The following ARHGAP25 variants were observed in gnomAD, a reference collection of about 807,000 sequenced individuals.
The protein encoded by ARHGAP25 is rho GTPase-activating protein 25.
In ARHGAP25, 34 loss-of-function variants were observed where a neutral mutation model predicts 71.0. That is an observed-to-expected ratio of 0.48 (90% CI 0.36 to 0.64). The LOEUF is 0.64. Among genes scored for constraint, ARHGAP25 ranks in the 30% least tolerant of loss-of-function variants. The probability of loss-of-function intolerance (pLI) is 0.00; values close to 1 mark genes in which losing one functional copy is unlikely to be tolerated. For synonymous variants in ARHGAP25, 282 were observed against 296.5 expected (o/e 0.95, Z 0.50); for missense variants, 706 against 805.1 (o/e 0.88, Z 1.49).
chr2:68,807,537 G>C (rs563046866), intron 5 of ARHGAP25, 57 bp downstream of exon 5: 2 of 1,555,656 alleles, frequency 1.3e-6, no homozygotes, highest in Non-Finnish European at 1.8e-6. Context: ...TGGCTTGGCT[G>C]GGAGGGCCTC....
upstream of ARHGAP25, among the ~76,000 whole-genome samples, chr2:68,731,475 C>T (rs1432979074): frequency 6.6e-6 from 1 of 152,036 alleles, no homozygotes; most frequent in Admixed American, 6.5e-5. Context: ...AGCCTCCTCA[C>T]CCCTATCCTG....
At position 68,826,060 on chromosome 2, in the gene ARHGAP25, A is replaced by T. The variant is rs747850081; in HGVS notation, c.1807A>T (p.Lys603Ter). 1 of 1,614,082 alleles carries T rather than the reference A, an allele frequency of 6.2e-7. No homozygotes were observed. Among genetic ancestry groups the T allele is most frequent in the Non-Finnish European group, 8.5e-7 (1 of 1,180,012 alleles). The change falls in exon 11 of 11, where the codon AAG (lysine) becomes TAG (stop). Residue 603 changes from lysine to a stop codon, truncating the protein, a stop_gained. Transcript: ENST00000409202. LOFTEE classifies it high-confidence loss of function. ...LNEELEKEKK[K>*]SAALEISLRN... is the part of the protein sequence containing the mutation. The stretch of plus-strand genomic sequence containing the variant: ...TGAAGAACTGGAGAAGGAAAAGAAG[A>T]AGTCTGCAGCCCTAGAGATCAGCCT...
chr2:68,822,694 G>A lies in ARHGAP25; in HGVS notation c.1555G>A (p.Ala519Thr). ...LPGSPGEEASALSSQACDSKG... is the reference protein window; with the variant it reads ...LPGSPGEEASTLSSQACDSKG... ...AGGGTCCCCTGGGGAGGAAGCCAGT[G>A]CACTCTCTTCCCAAGCCTGTGACTC... Residue 519 changes from alanine (A) to threonine (T), a missense_variant, in exon 10 of 11, where the codon GCA (alanine) becomes ACA (threonine). Physicochemically the swap from Ala to Thr is moderately conservative, Grantham distance 58. Coordinates refer to ENST00000409202, the MANE Select transcript of ARHGAP25 (RefSeq NM_001007231.3). 6.2e-7 allele frequency: 1 copy of A among 1,614,134 alleles called. No individual in the cohort carries two copies. The highest frequency in any genetic ancestry group is 8.5e-7 in the Non-Finnish European group (1 of 1,180,036).
At chr2:68,726,519 A>G (rs759233088) in intron 2 of ARHGAP25, among the ~76,000 whole-genome samples, 17 of 152,238 alleles carry the variant, frequency 1.1e-4, no homozygotes, top group Non-Finnish European at 2.2e-4. Flanking sequence ...TGAGCCCATC[A>G]TTCACAGAGC....
intron 1 of ARHGAP25, among the ~76,000 whole-genome samples, chr2:68,748,912 C>T (rs1675994863): frequency 6.6e-6 from 1 of 152,184 alleles, no homozygotes; most frequent in Non-Finnish European, 1.5e-5. Flanking sequence ...ATCCTTCAGA[C>T]TCAGGGGCCC....
rs149176172 is a variant in ARHGAP25, at chr2:68,787,247, G to T, written c.350-593G>T. Among the ~76,000 whole-genome samples the T allele has an allele frequency of 6.5e-3, 984 of 152,312 alleles. 9 individuals are homozygous for T. The highest frequency in any genetic ancestry group is 0.023 in the African/African-American group (943 of 41,554). On this transcript the variant is annotated intron_variant, in intron 3 of 10. Transcript: ENST00000409202. Reference sequence around the variant, plus strand: ...ATAATCTTAGGTTTGAAGTGAAAATGGTAAAGAAAGTTCTAACAAGTTTCA... The same window carrying T: ...ATAATCTTAGGTTTGAAGTGAAAATTGTAAAGAAAGTTCTAACAAGTTTCA...
In ARHGAP25 at chr2:68,822,722, A is replaced by G. The variant is rs1003714416; in HGVS notation, c.1583A>G (p.Lys528Arg). ...SALSSQACDSKGDTLASPNSE... is the reference protein window; with the variant it reads ...SALSSQACDSRGDTLASPNSE... ...CTCTCTTCCCAAGCCTGTGACTCCAAGGGAGATACTCTTGCCAGTCCAAAC... is the reference window on the plus strand; with the variant it reads ...CTCTCTTCCCAAGCCTGTGACTCCAGGGGAGATACTCTTGCCAGTCCAAAC... The change falls in exon 10 of 11, where the codon AAG (lysine) becomes AGG (arginine). Residue 528 changes from lysine to arginine, a missense_variant. By Grantham distance (26) the Lys-to-Arg change is conservative. Transcript: ENST00000409202. 1.3e-5 allele frequency: 21 copies of G among 1,614,082 alleles called. No individual in the cohort carries two copies. Among genetic ancestry groups the G allele is most frequent in the Non-Finnish European group, 1.7e-5 (20 of 1,180,048 alleles).
chr2:68,800,533 G>A (rs1436851058), intron 4 of ARHGAP25, among the ~76,000 whole-genome samples: 1 of 152,090 alleles, frequency 6.6e-6, no homozygotes, highest in Non-Finnish European at 1.5e-5. Flanking sequence ...GGCGAACATG[G>A]TATGAGGGGA....
chr2:68,717,142 G>A (rs1674628827), intron 2 of ARHGAP25, among the ~76,000 whole-genome samples: 1 of 152,176 alleles, frequency 6.6e-6, no homozygotes, highest in Non-Finnish European at 1.5e-5. Context: ...AATCTGTATA[G>A]CGTGTTACTG....
intron 10 of ARHGAP25, among the ~76,000 whole-genome samples, chr2:68,824,806 G>A (rs1399253070): frequency 2.0e-5 from 3 of 152,092 alleles, no homozygotes; most frequent in Admixed American, 6.5e-5. Context: ...AGAGATAGGT[G>A]GGGGTAAGCA....
chr2:68,712,483 C>G (rs1004360692), intron 2 of ARHGAP25, among the ~76,000 whole-genome samples: 2 of 152,116 alleles, frequency 1.3e-5, no homozygotes. Flanking sequence ...AAGATAGTTT[C>G]TTTTTCTGTA....
rs986496294 is a variant in ARHGAP25, at chr2:68,822,776, C to T, written c.1637C>T (p.Ser546Phe). The T allele has an allele frequency of 1.9e-6, 3 of 1,614,084 alleles. No homozygotes were observed. The highest frequency in any genetic ancestry group is 2.7e-5 in the African/African-American group (2 of 74,922). Residue 546 changes from serine to phenylalanine, a missense_variant, in exon 10 of 11, where the codon TCT becomes TTT. Physicochemically the swap from Ser to Phe is radical, Grantham distance 155 (BLOSUM62 -2). Coordinates refer to ENST00000409202, the MANE Select transcript of ARHGAP25 (RefSeq NM_001007231.3). ...NSETGPGKKN[S>F]GEEEIDSLQR... ...GAAACTGGGCCTGGAAAAAAGAACTCTGGAGAAGAGGAAATTGATTCTTTG... is the reference window on the plus strand; with the variant it reads ...GAAACTGGGCCTGGAAAAAAGAACTTTGGAGAAGAGGAAATTGATTCTTTG...
chr2:68,774,919 C>T, intron 1 of ARHGAP25: 3 of 1,395,832 alleles, frequency 2.1e-6, no homozygotes, highest in Non-Finnish European at 2.8e-6. Flanking sequence ...CAGAAGGCTC[C>T]AGCCAACCTT....
Position 68,718,584 on chromosome 2 carries a change from CAGAT to C in ARHGAP25, c.-18+7893_-18+7896del, listed in dbSNP as rs138370420. ...ATAGATAAATAGATAGATACCTAGA[CAGAT>C]AGATAGGTACATAGATACCTAGATA... On this transcript the variant is annotated intron_variant and NMD_transcript_variant, in intron 2 of 7. Coordinates refer to the ARHGAP25 transcript ENST00000463483. 6.2e-3 allele frequency among the ~76,000 whole-genome samples: 937 copies of C among 152,024 alleles called. 14 individuals are homozygous for C. The highest frequency in any genetic ancestry group is 0.022 in the African/African-American group (894 of 41,454).
At chr2:68,784,179 C>G (rs10202327) in intron 3 of ARHGAP25, among the ~76,000 whole-genome samples, 60,826 of 151,586 alleles carry the variant, frequency 0.4, 12,589 homozygotes, top group Non-Finnish European at 0.43. Context: ...CTCTCTTTCT[C>G]TCTCTCTCTC....
intron 1 of ARHGAP25, among the ~76,000 whole-genome samples, chr2:68,749,654 C>T (rs1255103822): frequency 6.6e-6 from 1 of 152,182 alleles, no homozygotes; most frequent in Non-Finnish European, 1.5e-5. Context: ...TTCTCAACTC[C>T]TGCACTAAGT....
rs1678871559 is a variant in ARHGAP25, at chr2:68,787,934, A to G, written c.444A>G (p.Arg148=). 1 of 1,613,992 alleles carries G rather than the reference A, an allele frequency of 6.2e-7. No homozygotes were observed. Among genetic ancestry groups the G allele is most frequent in the Non-Finnish European group, 8.5e-7 (1 of 1,180,016 alleles). The change falls in exon 4 of 11, where the codon AGA becomes AGG. Residue 148 remains arginine, a synonymous_variant. Transcript: ENST00000409202. The part of the protein sequence containing the change: ...EMEEWVKFLR[R]VAGTPCGAVF... ...AGGAGTGGGTTAAATTCCTCAGGAGAGTTGCTGGCACACCCTGTGGAGGTA... is the reference window on the plus strand; with the variant it reads ...AGGAGTGGGTTAAATTCCTCAGGAGGGTTGCTGGCACACCCTGTGGAGGTA...
intron 1 of ARHGAP25, 35 bp from the exon 2 acceptor site, chr2:68,775,186 C>T: frequency 6.2e-7 from 1 of 1,614,214 alleles, no homozygotes; most frequent in South Asian, 1.1e-5. Flanking sequence ...GCCCCATGTC[C>T]CTCGGTCAGT....
At chr2:68,799,182 A>G (rs1290862774) in intron 4 of ARHGAP25, among the ~76,000 whole-genome samples, 3 of 152,184 alleles carry the variant, frequency 2.0e-5, no homozygotes, top group East Asian at 3.8e-4. Flanking sequence ...TTTGATATGC[A>G]GAGAGAATGT....
Sources: gnomAD v4.1 joint callset for allele counts (sites outside exome capture counted in the v4.1 genomes callset) on GRCh38, gnomAD v4.1.1 for gene constraint, MANE v1.5 for transcripts, NCBI Gene and HGNC (gene_info 2026-07-23, HGNC 2026-07-21) for gene names.